RNGTT: variants seen among roughly 807,000 people sequenced by gnomAD.
RNGTT encodes the protein mRNA-capping enzyme.
In RNGTT, 33 loss-of-function variants were observed where a neutral mutation model predicts 79.3. That is an observed-to-expected ratio of 0.42 (90% CI 0.32 to 0.56). RNGTT has a LOEUF of 0.56. Ranked by LOEUF, RNGTT falls within the 20% of genes least tolerant of loss-of-function variation. The pLI is 0.17. For missense variants in RNGTT, 497 were observed against 739.1 expected (o/e 0.67, Z 3.80); for synonymous variants, 222 against 235.9 (o/e 0.94, Z 0.54).
intron 14 of RNGTT, among the ~76,000 whole-genome samples, chr6:88,674,727 C>T (rs1208094665): frequency 6.6e-6 from 1 of 151,824 alleles, no homozygotes; most frequent in Non-Finnish European, 1.5e-5. Context: ...AAAAATAACA[C>T]ATGGAGCCAA....
chr6:88,963,507 C>G lies in RNGTT; in HGVS notation c.-98G>C. On this transcript the variant is annotated 5_prime_UTR_variant, in exon 1 of 16. Transcript: ENST00000369485. Reference sequence around the variant, plus strand: ...CGGTGCACACCGGGGTCCGAGACACCCGAATCGCAGCCGTAATCTGAATTC... The same window carrying G: ...CGGTGCACACCGGGGTCCGAGACACGCGAATCGCAGCCGTAATCTGAATTC... The G allele has an allele frequency of 8.5e-7, 1 of 1,170,252 alleles. No homozygotes were observed. Among genetic ancestry groups the G allele is most frequent in the Non-Finnish European group, 1.2e-6 (1 of 858,702 alleles). 72.5% of individuals were successfully genotyped at this position (1,170,252 alleles called of 1,614,324 possible). A position where few individuals can be genotyped will look rare whatever the true frequency, so the allele number is the denominator to read the frequency against.
chr6:88,643,202 C>T (rs1773392339), intron 14 of RNGTT, among the ~76,000 whole-genome samples: 1 of 151,782 alleles, frequency 6.6e-6, no homozygotes, highest in Non-Finnish European at 1.5e-5. Context: ...TTCCTGTTGA[C>T]CAGGTCTGAA....
chr6:88,735,156 C>A lies in RNGTT; in HGVS notation c.1439+34618G>T, dbSNP rs115170780. Among the ~76,000 whole-genome samples the A allele has an allele frequency of 4.5e-3, 681 of 152,030 alleles. 2 individuals carry two copies. Among genetic ancestry groups the A allele is most frequent in the African/African-American group, 0.016 (644 of 41,470 alleles). On this transcript the variant is annotated intron_variant, in intron 13 of 15. Coordinates refer to ENST00000369485, the MANE Select transcript of RNGTT (RefSeq NM_003800.5). ...ATAACAATCCTTAATATGCATGTGC[C>A]TAAAAATAGAACATCAAAATATATG...
At chr6:88,939,487 T>G (rs1466513175) in intron 2 of RNGTT, among the ~76,000 whole-genome samples, 2 of 152,168 alleles carry the variant, frequency 1.3e-5, no homozygotes, top group East Asian at 3.8e-4. Context: ...AACTTATTAT[T>G]CATACCCTGA....
At chr6:88,795,545 G>A (rs1161568448) in intron 12 of RNGTT, among the ~76,000 whole-genome samples, 1 of 152,066 alleles carries the variant, frequency 6.6e-6, no homozygotes, top group East Asian at 1.9e-4. Flanking sequence ...GGGGTTGGGG[G>A]CTAGGGAAGG....
chr6:88,891,256 C>T (rs1783039162), intron 7 of RNGTT, among the ~76,000 whole-genome samples: 2 of 151,990 alleles, frequency 1.3e-5, no homozygotes, highest in Non-Finnish European at 2.9e-5. Context: ...TAACAATAAT[C>T]CTTTTTCCTT....
intron 13 of RNGTT, among the ~76,000 whole-genome samples, chr6:88,726,109 T>A (rs905048319): frequency 6.6e-6 from 1 of 152,156 alleles, no homozygotes; most frequent in African/African-American, 2.4e-5. Flanking sequence ...AGGGTAAATT[T>A]AAAACCTATA....
chr6:88,801,859 A>AC (rs1779799105), intron 11 of RNGTT, among the ~76,000 whole-genome samples: 1 of 151,098 alleles, frequency 6.6e-6, no homozygotes, highest in South Asian at 2.1e-4. Flanking sequence ...ACACACACAC[A>AC]AATTTCCATT....
intron 11 of RNGTT, among the ~76,000 whole-genome samples, chr6:88,839,192 G>A (rs572421085): frequency 2.0e-5 from 3 of 152,148 alleles, no homozygotes; most frequent in East Asian, 3.9e-4. Context: ...TCTAATCTCT[G>A]TGTACCTATA....
intron 8 of RNGTT, among the ~76,000 whole-genome samples, chr6:88,855,690 A>G (rs1369203376): frequency 6.6e-6 from 1 of 152,122 alleles, no homozygotes; most frequent in African/African-American, 2.4e-5. Context: ...AGGTTTCACT[A>G]GGAAAAATAA....
At chr6:88,699,675 C>T (rs1051635697) in intron 13 of RNGTT, among the ~76,000 whole-genome samples, 1 of 151,864 alleles carries the variant, frequency 6.6e-6, no homozygotes, top group Non-Finnish European at 1.5e-5. Context: ...AACAAACAAA[C>T]AAAAAAACAC....
intron 12 of RNGTT, among the ~76,000 whole-genome samples, chr6:88,777,625 A>G (rs1778932008): frequency 6.6e-6 from 1 of 152,192 alleles, no homozygotes; most frequent in Non-Finnish European, 1.5e-5. Flanking sequence ...CGATTGGTGT[A>G]AAGAAATGTA....
At chr6:88,683,305 TAA>T (rs1266307192) in intron 13 of RNGTT, among the ~76,000 whole-genome samples, 1 of 152,000 alleles carries the variant, frequency 6.6e-6, no homozygotes, top group African/African-American at 2.4e-5. Flanking sequence ...TAATAAATAA[TAA>T]GAGGATATTA....
chr6:88,645,443 G>C (rs56067291), intron 14 of RNGTT, among the ~76,000 whole-genome samples: 3,537 of 152,214 alleles, frequency 0.023, 156 homozygotes, highest in African/African-American at 0.079. Context: ...GTAATTTATA[G>C]ATTCAATGCC....
At chr6:88,853,598 T>A in intron 9 of RNGTT, 31 bp downstream of exon 9, 1 of 1,417,252 alleles carries the variant, frequency 7.1e-7, no homozygotes, top group Non-Finnish European at 9.6e-7. Flanking sequence ...TGGCAATGTT[T>A]AATTTTATAG....
intron 9 of RNGTT, 74 bp from the exon 10 acceptor site, chr6:88,849,900 T>C (rs1444735684): frequency 7.3e-7 from 1 of 1,360,898 alleles, no homozygotes; most frequent in Non-Finnish European, 9.8e-7. Flanking sequence ...AAATATGGCA[T>C]ACACACAGTA....
At chr6:88,802,407 G>A (rs767251067) in intron 11 of RNGTT, among the ~76,000 whole-genome samples, 11 of 152,002 alleles carry the variant, frequency 7.2e-5, no homozygotes, top group Non-Finnish European at 1.2e-4. Context: ...AATTAATTCT[G>A]ACTGATTACG....
intron 12 of RNGTT, among the ~76,000 whole-genome samples, chr6:88,795,219 T>G (rs558849709): frequency 6.6e-6 from 1 of 152,322 alleles, no homozygotes; most frequent in South Asian, 2.1e-4. Flanking sequence ...TCTTTTCAAC[T>G]CTTTATACCC....
At chr6:88,949,163 A>AAAAAAAAAAAAAAAAAAAAAAAAAAAAC (rs1785151955) in intron 1 of RNGTT, among the ~76,000 whole-genome samples, 1 of 137,476 alleles carries the variant, frequency 7.3e-6, no homozygotes, top group Non-Finnish European at 1.6e-5. Flanking sequence ...TAAAATGAAA[A>AAAAAAAAAAAAAAAAAAAAAAAAAAAAC]AAAAAAAAAA....
Sources: allele counts gnomAD v4.1 joint callset (sites outside exome capture counted in the v4.1 genomes callset), GRCh38; gene constraint gnomAD v4.1.1; transcripts MANE v1.5; gene names NCBI Gene and HGNC (gene_info 2026-07-23, HGNC 2026-07-21).